Variants in NCAM1 observed in about 807,000 individuals in gnomAD.
NCAM1 encodes the protein neural cell adhesion molecule 1.
A neutral mutation model predicts 109.8 loss-of-function variants in NCAM1; 14 were observed. The observed-to-expected ratio is 0.13, with a 90% confidence interval of 0.08 to 0.20. The LOEUF (loss-of-function observed/expected upper bound fraction) is 0.20. Among genes scored for constraint, NCAM1 ranks in the 10% least tolerant of loss-of-function variants. The pLI is 1.00. For missense variants in NCAM1, 774 were observed against 1,109.9 expected (o/e 0.70, Z 4.30); for synonymous variants, 418 against 442.9 (o/e 0.94, Z 0.70).
chr11:112,988,834 G>A (rs1046588568), intron 1 of NCAM1, among the ~76,000 whole-genome samples: 1 of 147,912 alleles, frequency 6.8e-6, no homozygotes, highest in South Asian at 2.1e-4. Flanking sequence ...CTGCAACTCT[G>A]TCTCTTAGGT....
chr11:113,197,659 A>G (rs1943895607), intron 1 of NCAM1, among the ~76,000 whole-genome samples: 1 of 152,164 alleles, frequency 6.6e-6, no homozygotes, highest in Admixed American at 6.5e-5. Flanking sequence ...TGACTTTATA[A>G]CATCTTGACA....
At chr11:113,166,170 C>T (rs1342838136) in intron 1 of NCAM1, among the ~76,000 whole-genome samples, 3 of 152,026 alleles carry the variant, frequency 2.0e-5, no homozygotes, top group South Asian at 2.1e-4. Context: ...TTATATTTCC[C>T]GCCTTCTCCC....
Position 113,273,402 on chromosome 11 carries a change from G to A in NCAM1, c.2456+1526G>A, listed in dbSNP as rs1240602629. 1.2e-5 allele frequency: 4 copies of A among 328,246 alleles called. No individual in the cohort carries two copies. The highest frequency in any genetic ancestry group is 6.5e-5 in the African/African-American group (3 of 46,024). The allele number at this position is 328,246 out of a possible 1,614,324, so 20.3% of individuals were successfully genotyped here. On this transcript the variant is annotated intron_variant, in intron 19 of 19. Transcript: ENST00000316851. The surrounding 1 kb of genome is among the most constrained non-coding windows in gnomAD (Gnocchi z 6.0). ...GGCAGCCAGTCCTCTAGCAGCAGCGGCTGCCCCTGCCACAGAAGCCCCTCA... is the reference window on the plus strand; with the variant it reads ...GGCAGCCAGTCCTCTAGCAGCAGCGACTGCCCCTGCCACAGAAGCCCCTCA...
rs1344752948 is a variant in NCAM1, at chr11:113,232,028, A to T, written c.1241-142A>T. ...GTCTTCTTCCCATGCTGTGCACAGGAATTCTAGAATGGCCCTGACCTCTAC... is the reference window on the plus strand; with the variant it reads ...GTCTTCTTCCCATGCTGTGCACAGGTATTCTAGAATGGCCCTGACCTCTAC... On this transcript the variant is annotated intron_variant, in intron 10 of 19. Transcript: ENST00000316851. 4 of 961,804 alleles carry T rather than the reference A, an allele frequency of 4.2e-6. No homozygotes were observed. The African/African-American group carries it at 5.0e-5, about 12-fold the overall frequency. The allele number at this position is 961,804 out of a possible 1,614,324, so 59.6% of individuals were successfully genotyped here. A position where few individuals can be genotyped will look rare whatever the true frequency, so the allele number is the denominator to read the frequency against.
At chr11:113,176,934 T>G (rs1555107131) in intron 1 of NCAM1, among the ~76,000 whole-genome samples, 1 of 152,190 alleles carries the variant, frequency 6.6e-6, no homozygotes, top group African/African-American at 2.4e-5. Flanking sequence ...AAAATTAACA[T>G]GCAGAAGGGC....
At chr11:113,238,992 G>C (rs1555118762) in intron 14 of NCAM1, among the ~76,000 whole-genome samples, 1 of 152,210 alleles carries the variant, frequency 6.6e-6, no homozygotes, top group Admixed American at 6.5e-5. Flanking sequence ...CTCAATAATG[G>C]GGTTGCTTTC....
At chr11:113,227,245 G>A (rs1168887930) in intron 9 of NCAM1, among the ~76,000 whole-genome samples, 1 of 151,848 alleles carries the variant, frequency 6.6e-6, no homozygotes, top group Admixed American at 6.6e-5. Flanking sequence ...AATGATAAAG[G>A]GGATATCACC....
intron 1 of NCAM1, among the ~76,000 whole-genome samples, chr11:113,048,008 G>C (rs371829296): frequency 6.6e-6 from 1 of 152,050 alleles, no homozygotes; most frequent in Admixed American, 6.5e-5. Context: ...GTCTTCCAAG[G>C]CTCCAGCTTG....
intron 15 of NCAM1, among the ~76,000 whole-genome samples, chr11:113,250,111 G>T (rs1293238683): frequency 6.6e-6 from 1 of 152,082 alleles, no homozygotes; most frequent in Non-Finnish European, 1.5e-5. Flanking sequence ...AAGGGTTCAG[G>T]GAAAAACAAA....
intron 17 of NCAM1, among the ~76,000 whole-genome samples, chr11:113,269,086 C>T (rs993002834): frequency 6.6e-6 from 1 of 152,188 alleles, no homozygotes; most frequent in Non-Finnish European, 1.5e-5. Context: ...CAGAGCTCCA[C>T]ATGGGTCCTT....
intron 1 of NCAM1, among the ~76,000 whole-genome samples, chr11:113,169,357 T>C (rs1467890814): frequency 7.2e-5 from 11 of 152,144 alleles, no homozygotes; most frequent in Admixed American, 2.0e-4. Flanking sequence ...ACATTAATAA[T>C]GCAGAGAGAA....
chr11:113,049,640 A>G (rs1555081460), intron 1 of NCAM1, among the ~76,000 whole-genome samples: 1 of 152,192 alleles, frequency 6.6e-6, no homozygotes, highest in African/African-American at 2.4e-5. Context: ...TGAGTTTCCT[A>G]GGGCTGCCCT....
chr11:113,031,917 T>C (rs1952733751), intron 1 of NCAM1, among the ~76,000 whole-genome samples: 1 of 152,156 alleles, frequency 6.6e-6, no homozygotes, highest in Non-Finnish European at 1.5e-5. Context: ...ACTTTATTAC[T>C]GTATTATCAT....
chr11:113,082,415 T>C (rs1434822643), intron 1 of NCAM1, among the ~76,000 whole-genome samples: 2 of 152,234 alleles, frequency 1.3e-5, no homozygotes, highest in African/African-American at 2.4e-5. Context: ...GTGGTAGTCT[T>C]ATTGTAAAAC....
intron 1 of NCAM1, among the ~76,000 whole-genome samples, chr11:113,151,298 G>GT (rs1308124168): frequency 1.3e-5 from 2 of 152,192 alleles, no homozygotes; most frequent in Non-Finnish European, 2.9e-5. Flanking sequence ...GAATGAAGCT[G>GT]TGGGACCCTT....
intron 1 of NCAM1, among the ~76,000 whole-genome samples, chr11:113,059,383 G>A (rs1565411489): frequency 1.3e-5 from 2 of 152,182 alleles, no homozygotes; most frequent in Non-Finnish European, 2.9e-5. Context: ...TTGTGAATCA[G>A]GAGTTCAGGA....
intron 1 of NCAM1, among the ~76,000 whole-genome samples, chr11:112,964,067 A>G (rs1660758412): frequency 6.6e-6 from 1 of 151,880 alleles, no homozygotes; most frequent in African/African-American, 2.4e-5. Context: ...TTCAAGTCAA[A>G]GGGTTAGAAT....
intron 8 of NCAM1, among the ~76,000 whole-genome samples, chr11:113,219,215 C>A (rs1944617923): frequency 6.6e-6 from 1 of 152,180 alleles, no homozygotes; most frequent in Non-Finnish European, 1.5e-5. Flanking sequence ...GAATATCCCA[C>A]AAGTAAGAGA....
At chr11:113,052,658 AT>A (rs1161427265) in intron 1 of NCAM1, among the ~76,000 whole-genome samples, 1 of 152,198 alleles carries the variant, frequency 6.6e-6, no homozygotes, top group Non-Finnish European at 1.5e-5. Flanking sequence ...TGTAAAAAAA[AT>A]TTTGTGAAGT....
Sources: allele counts gnomAD v4.1 joint callset (sites outside exome capture counted in the v4.1 genomes callset), GRCh38; gene constraint gnomAD v4.1.1; non-coding constraint Gnocchi (gnomAD v3.1); transcripts MANE v1.5; gene names NCBI Gene and HGNC (gene_info 2026-07-23, HGNC 2026-07-21).